STOX2: variants seen among roughly 807,000 people sequenced by gnomAD.
STOX2 encodes the protein storkhead-box protein 2.
STOX2 carries 28 observed loss-of-function variants against 60.9 expected under a neutral mutation model. That is an observed-to-expected ratio of 0.46 (90% CI 0.34 to 0.63). STOX2 has a LOEUF of 0.63. Among genes scored for constraint, STOX2 ranks in the 30% least tolerant of loss-of-function variants. The probability of loss-of-function intolerance (pLI) is 0.01; values close to 1 mark genes in which losing one functional copy is unlikely to be tolerated. For missense variants in STOX2, 1,024 were observed against 1,187.7 expected (o/e 0.86, Z 2.03); for synonymous variants, 472 against 463.9 (o/e 1.02, Z -0.22).
intron 1 of STOX2, among the ~76,000 whole-genome samples, chr4:183,800,652 AG>A (rs1277253958): frequency 4.6e-5 from 7 of 152,348 alleles, no homozygotes; most frequent in Middle Eastern, 3.4e-3. Context: ...TAAGCTCATC[AG>A]TTACCAATAG....
intron 1 of STOX2, among the ~76,000 whole-genome samples, chr4:183,835,112 C>T (rs1164475276): frequency 1.3e-5 from 2 of 150,988 alleles, no homozygotes; most frequent in East Asian, 3.9e-4. Flanking sequence ...GACCCTCAGG[C>T]AAGTTACCTA....
chr4:183,986,702 TC>T (rs1215992719), intron 1 of STOX2, among the ~76,000 whole-genome samples: 4 of 152,216 alleles, frequency 2.6e-5, no homozygotes, highest in Non-Finnish European at 5.9e-5. Context: ...TTTTGTAGCC[TC>T]CCGAGGACAG....
chr4:183,802,903 G>A (rs974168225), intron 1 of STOX2, among the ~76,000 whole-genome samples: 2 of 152,172 alleles, frequency 1.3e-5, no homozygotes, highest in African/African-American at 2.4e-5. Context: ...TTACAGGCGT[G>A]AGCCACCGCA....
At chr4:183,817,768 C>T (rs778606551) in intron 1 of STOX2, among the ~76,000 whole-genome samples, 18 of 152,046 alleles carry the variant, frequency 1.2e-4, no homozygotes, top group African/African-American at 1.7e-4. Flanking sequence ...CTTTTCTCAC[C>T]GATGGTATTG....
Position 183,961,243 on chromosome 4 carries a change from C to T in STOX2, c.167-40082C>T, listed in dbSNP as rs115798758. On this transcript the variant is annotated intron_variant, in intron 1 of 3. Coordinates refer to ENST00000308497, the MANE Select transcript of STOX2 (RefSeq NM_020225.3). ...GAGCAAGCTTTTGGACAGAGCTCACCGAGCTGTCATATTGCCACCCCAATG... is the reference window on the plus strand; with the variant it reads ...GAGCAAGCTTTTGGACAGAGCTCACTGAGCTGTCATATTGCCACCCCAATG... 4.4e-3 allele frequency among the ~76,000 whole-genome samples: 677 copies of T among 152,216 alleles called. 6 individuals carry two copies. The highest frequency in any genetic ancestry group is 0.015 in the African/African-American group (628 of 41,528).
rs548875303 is a variant in STOX2, at chr4:184,018,197, T to C, written c.*913T>C. On this transcript the variant is annotated 3_prime_UTR_variant, in exon 4 of 4. Transcript: ENST00000308497. ...GATGACCCTATCTTACTCTAATAGA[T>C]ACAATAATTAGTTTGTTTAAAAGCA... is the stretch of plus-strand genomic sequence containing the variant. The C allele has an allele frequency of 1.3e-5, 2 of 152,348 alleles. No individual in the cohort carries two copies. The highest frequency in any genetic ancestry group is 2.1e-4 in the South Asian group (1 of 4,830). The allele number at this position is 152,348 out of a possible 1,614,324, so 9.4% of individuals were successfully genotyped here.
intron 1 of STOX2, among the ~76,000 whole-genome samples, chr4:183,811,980 A>G (rs1340614124): frequency 7.3e-6 from 1 of 137,598 alleles, no homozygotes; most frequent in Non-Finnish European, 1.5e-5. Context: ...CACCCAGGCT[A>G]GGGTGCAGTG....
chr4:184,008,125 T>TG (rs1733955364), intron 2 of STOX2, among the ~76,000 whole-genome samples: 1 of 152,200 alleles, frequency 6.6e-6, no homozygotes, highest in African/African-American at 2.4e-5. Flanking sequence ...TGGTTAAATA[T>TG]GGGCAGTTTC....
At chr4:183,887,268 GA>G (rs11423476) in intron 1 of STOX2, among the ~76,000 whole-genome samples, 32 of 150,206 alleles carry the variant, frequency 2.1e-4, no homozygotes, top group African/African-American at 6.6e-4. Flanking sequence ...CCGCCTGAAA[GA>G]AAAAAAAAAA....
intron 1 of STOX2, among the ~76,000 whole-genome samples, chr4:183,921,052 G>A (rs980848776): frequency 6.6e-6 from 1 of 152,156 alleles, no homozygotes; most frequent in Non-Finnish European, 1.5e-5. Flanking sequence ...AATTGCTGAA[G>A]AAGCATTCGG....
intron 1 of STOX2, among the ~76,000 whole-genome samples, chr4:183,867,440 G>A (rs1002480456): frequency 2.6e-5 from 4 of 152,234 alleles, no homozygotes; most frequent in African/African-American, 9.6e-5. Flanking sequence ...ACGTTTCCTG[G>A]ACAGGGCTGC....
intron 1 of STOX2, among the ~76,000 whole-genome samples, chr4:183,917,580 T>TC (rs1741967618): frequency 6.6e-6 from 1 of 152,220 alleles, no homozygotes; most frequent in South Asian, 2.1e-4. Flanking sequence ...GGACATATTT[T>TC]CCCCACACTT....
intron 1 of STOX2, among the ~76,000 whole-genome samples, chr4:183,842,493 C>T (rs147449875): frequency 5.1e-4 from 78 of 152,192 alleles, no homozygotes; most frequent in African/African-American, 1.8e-3. Context: ...TTTCGCTAAC[C>T]CCAGGAAAAT....
upstream of STOX2, among the ~76,000 whole-genome samples, chr4:183,900,751 G>A (rs1319205008): frequency 6.6e-6 from 1 of 152,076 alleles, no homozygotes; most frequent in Non-Finnish European, 1.5e-5. Context: ...AACTTGAATG[G>A]AAGACTAAAT....
In STOX2 at chr4:183,821,929, C is replaced by T. The variant is rs1277814080; in HGVS notation, c.364+23874C>T. Among the ~76,000 whole-genome samples the T allele has an allele frequency of 6.6e-6, 1 of 152,266 alleles. No individual in the cohort carries two copies. The highest frequency in any genetic ancestry group is 2.1e-4 in the South Asian group (1 of 4,838). ...GCTTTAGAAGTCTATGTCCCCCACC[C>T]TGCCCTTCCCTAAAAAGGACGCTTG... On this transcript the variant is annotated intron_variant, in intron 1 of 2. Transcript: ENST00000513034. This position sits in a 1 kb window ranked among gnomAD's most constrained non-coding sequence, Gnocchi z 4.2.
chr4:184,014,421 T>G (rs1295436830), intron 3 of STOX2: 1 of 152,114 alleles, frequency 6.6e-6, no homozygotes, highest in Non-Finnish European at 1.5e-5. Context: ...TATATCTGCT[T>G]AATGTATTGC....
intron 1 of STOX2, among the ~76,000 whole-genome samples, chr4:183,910,573 G>A (rs1358692631): frequency 6.6e-6 from 1 of 152,074 alleles, no homozygotes; most frequent in Non-Finnish European, 1.5e-5. Context: ...AGTTTTGGGG[G>A]ACATCCTTAT....
In STOX2 at chr4:183,885,552, C is replaced by T. The variant is rs971928454; in HGVS notation, c.364+87497C>T. On this transcript the variant is annotated intron_variant, in intron 1 of 2. Coordinates refer to the STOX2 transcript ENST00000513034. ...AGGCTGTGCAGGGTGCCGGCTGCCT[C>T]GCATTTGCTTTGTTAATGGTGCTGA... 5.3e-5 allele frequency among the ~76,000 whole-genome samples: 8 copies of T among 152,262 alleles called. No homozygotes were observed. In the East Asian group the frequency reaches 9.7e-4, roughly 18 times the overall value.
At chr4:183,943,907 A>G (rs1278813312) in intron 1 of STOX2, among the ~76,000 whole-genome samples, 1 of 152,258 alleles carries the variant, frequency 6.6e-6, no homozygotes, top group Middle Eastern at 3.4e-3. Context: ...CCAAAAAACA[A>G]AAAAGAAATC....
Sources: gnomAD v4.1 joint callset for allele counts (sites outside exome capture counted in the v4.1 genomes callset) on GRCh38, gnomAD v4.1.1 for gene constraint, Gnocchi (gnomAD v3.1) non-coding constraint, MANE v1.5 for transcripts, NCBI Gene and HGNC (gene_info 2026-07-23, HGNC 2026-07-21) for gene names.